The following TAFA4 variants were observed in gnomAD, a reference collection of about 807,000 sequenced individuals.
TAFA4 encodes the protein chemokine-like protein TAFA-4.
TAFA4 carries 20 observed loss-of-function variants against 21.1 expected under a neutral mutation model. That is an observed-to-expected ratio of 0.95 (90% CI 0.67 to 1.38). The LOEUF is 1.38. TAFA4 is among the 40% of genes most tolerant of loss of function. The probability of loss-of-function intolerance (pLI) is 0.00; values close to 1 mark genes in which losing one functional copy is unlikely to be tolerated. For missense variants in TAFA4, 211 were observed against 180.9 expected, an observed-to-expected ratio of 1.17 and a Z score of -0.95; for synonymous variants, 71 against 67.4, an observed-to-expected ratio of 1.05 and a Z score of -0.26.
At position 68,891,310 on chromosome 3, in the gene TAFA4, A is replaced by C. The variant is rs570815710; in HGVS notation, c.-122-6000T>G. Reference sequence around the variant, plus strand: ...TTTGCAAAAGTACACAGCAAAACAGAATCTGCTTAATAACAAACAAATAGC... The same window carrying C: ...TTTGCAAAAGTACACAGCAAAACAGCATCTGCTTAATAACAAACAAATAGC... On this transcript the variant is annotated intron_variant, in intron 1 of 5. Coordinates refer to ENST00000295569, the MANE Select transcript of TAFA4 (RefSeq NM_182522.5). 5.3e-5 allele frequency among the ~76,000 whole-genome samples: 8 copies of C among 152,334 alleles called. No homozygotes were observed. The South Asian group carries it at 1.7e-3, about 32-fold the overall frequency.
At position 68,819,274 on chromosome 3, in the gene TAFA4, T is replaced by TAA. The variant is rs59090610; in HGVS notation, c.130+61454_130+61455dup. ...GACAGAGTGAGACCCTGTCTTTAAT[T>TAA]AAAAAAAAAAAAAAAAAAAAAAAAA... On this transcript the variant is annotated intron_variant, in intron 3 of 5. Transcript: ENST00000295569. Among the ~76,000 whole-genome samples the TAA allele has an allele frequency of 2.9e-4, 32 of 109,328 alleles. 1 individual carries two copies. The highest frequency in any genetic ancestry group is 8.2e-4 in the African/African-American group (25 of 30,322). 71.7% of individuals were successfully genotyped at this position (109,328 alleles called of 152,430 possible).
intron 3 of TAFA4, among the ~76,000 whole-genome samples, chr3:68,866,285 G>A (rs1457839156): frequency 2.0e-5 from 3 of 152,068 alleles, no homozygotes; most frequent in Non-Finnish European, 4.4e-5. Flanking sequence ...TATTCCCATT[G>A]GGACCCACAC....
rs1309025144 is a variant in TAFA4, at chr3:68,732,644, C to A, written c.*498G>T. The A allele has an allele frequency of 6.5e-6, 1 of 153,392 alleles. No individual in the cohort carries two copies. The highest frequency in any genetic ancestry group is 2.4e-5 in the African/African-American group (1 of 41,480). 9.5% of individuals were successfully genotyped at this position (153,392 alleles called of 1,614,324 possible). A position where few individuals can be genotyped will look rare whatever the true frequency, so the allele number is the denominator to read the frequency against. On this transcript the variant is annotated 3_prime_UTR_variant, in exon 6 of 6. Coordinates refer to ENST00000295569, the MANE Select transcript of TAFA4 (RefSeq NM_182522.5). ...TCTTTACCAGTTAATCAGTTGATCTCTAGCAGTAATTTTCTTCACCAGCTA... is the reference window on the plus strand; with the variant it reads ...TCTTTACCAGTTAATCAGTTGATCTATAGCAGTAATTTTCTTCACCAGCTA...
intron 4 of TAFA4, among the ~76,000 whole-genome samples, chr3:68,751,064 C>G (rs554335719): frequency 6.6e-6 from 1 of 152,252 alleles, no homozygotes; most frequent in South Asian, 2.1e-4. Flanking sequence ...AAGAATTAAG[C>G]AGACCAGGTG....
Position 68,823,781 on chromosome 3 carries a change from C to T in TAFA4, c.130+56949G>A, listed in dbSNP as rs185904623. On this transcript the variant is annotated intron_variant, in intron 3 of 5. Coordinates refer to ENST00000295569, the MANE Select transcript of TAFA4 (RefSeq NM_182522.5). ...TTCACGTCCCTACAAAGGACATTAT[C>T]TTATTCCTTTTTATGGCTGCATAGT... Among the ~76,000 whole-genome samples the T allele has an allele frequency of 4.6e-5, 7 of 152,310 alleles. No homozygotes were observed. The East Asian group carries it at 1.3e-3, about 29-fold the overall frequency.
At chr3:68,885,669 ATTCCCAAGACATGCAAT>A (rs2089664925) in intron 1 of TAFA4, among the ~76,000 whole-genome samples, 1 of 152,234 alleles carries the variant, frequency 6.6e-6, no homozygotes, top group South Asian at 2.1e-4. Context: ...GAGATAATGC[ATTCCCAAGACATGCAAT>A]TTGCCCAAGC....
chr3:68,808,024 AG>A (rs1261119754), intron 3 of TAFA4, among the ~76,000 whole-genome samples: 7 of 152,110 alleles, frequency 4.6e-5, no homozygotes, highest in Non-Finnish European at 8.8e-5. Flanking sequence ...ATATGTATAT[AG>A]ATTATATTAT....
At chr3:68,877,401 C>T (rs891148167) in intron 3 of TAFA4, among the ~76,000 whole-genome samples, 4 of 152,136 alleles carry the variant, frequency 2.6e-5, no homozygotes, top group African/African-American at 9.7e-5. Flanking sequence ...AATCTTTTGT[C>T]TCTGACCCAA....
At chr3:68,790,627 G>A (rs1487496474) in intron 3 of TAFA4, among the ~76,000 whole-genome samples, 3 of 152,194 alleles carry the variant, frequency 2.0e-5, no homozygotes, top group Non-Finnish European at 4.4e-5. Flanking sequence ...ATGGATATGA[G>A]AATCCCCTAA....
intron 4 of TAFA4, among the ~76,000 whole-genome samples, chr3:68,746,194 T>C (rs1702455366): frequency 6.6e-6 from 1 of 152,250 alleles, no homozygotes; most frequent in East Asian, 1.9e-4. Context: ...GGCTGCACTG[T>C]TGGCTTCCCT....
rs190726086 is a variant in TAFA4, at chr3:68,816,048, A to G, written c.131-63030T>C. 1.2e-4 allele frequency among the ~76,000 whole-genome samples: 19 copies of G among 152,320 alleles called. No individual in the cohort carries two copies. In the East Asian group the frequency reaches 3.7e-3, roughly 29 times the overall value. On this transcript the variant is annotated intron_variant, in intron 3 of 5. Transcript: ENST00000295569. ...TATGTAGCTGGAAACCATCATTCTC[A>G]GCAAACTATCACAAGGACAAAAAAC...
chr3:68,804,086 T>C (rs1344159287), intron 3 of TAFA4, among the ~76,000 whole-genome samples: 1 of 151,912 alleles, frequency 6.6e-6, no homozygotes, highest in Admixed American at 6.6e-5. Flanking sequence ...TCATGCCCAG[T>C]CTATTTTTCA....
chr3:68,738,750 G>T (rs559544397), intron 5 of TAFA4, among the ~76,000 whole-genome samples: 2 of 152,238 alleles, frequency 1.3e-5, no homozygotes, highest in South Asian at 2.1e-4. Flanking sequence ...ATCTGGATGT[G>T]GATTCTTGTC....
intron 5 of TAFA4, among the ~76,000 whole-genome samples, chr3:68,733,830 G>C (rs1275847301): frequency 6.6e-6 from 1 of 152,082 alleles, no homozygotes; most frequent in Admixed American, 6.5e-5. Context: ...CCATACCCAG[G>C]CTTTAGACCC....
At chr3:68,876,565 C>CA (rs2089551938) in intron 3 of TAFA4, among the ~76,000 whole-genome samples, 1 of 152,100 alleles carries the variant, frequency 6.6e-6, no homozygotes, top group South Asian at 2.1e-4. Context: ...GCTATTTAGT[C>CA]AAGAGTATTT....
At chr3:68,928,893 C>T (rs1437240771) in intron 1 of TAFA4, among the ~76,000 whole-genome samples, 1 of 151,932 alleles carries the variant, frequency 6.6e-6, no homozygotes, top group Non-Finnish European at 1.5e-5. Flanking sequence ...ACCTCCTACC[C>T]CTGATCTTCT....
chr3:68,845,071 C>T (rs1461559823), intron 3 of TAFA4, among the ~76,000 whole-genome samples: 17 of 152,110 alleles, frequency 1.1e-4, no homozygotes, highest in African/African-American at 3.6e-4. Flanking sequence ...TCTGAATATC[C>T]TTGTTAATGT....
intron 3 of TAFA4, among the ~76,000 whole-genome samples, chr3:68,821,678 T>C (rs1704116122): frequency 6.6e-6 from 1 of 152,064 alleles, no homozygotes; most frequent in African/African-American, 2.4e-5. Context: ...TATGAGTTCT[T>C]CAAGGCACTA....
chr3:68,919,062 T>A (rs1171571916), intron 1 of TAFA4, among the ~76,000 whole-genome samples: 1 of 152,108 alleles, frequency 6.6e-6, no homozygotes, highest in Non-Finnish European at 1.5e-5. Flanking sequence ...TCTGTCACCT[T>A]CCCTGCAGCT....
Sources: gnomAD v4.1 joint callset for allele counts (sites outside exome capture counted in the v4.1 genomes callset) on GRCh38, gnomAD v4.1.1 for gene constraint, MANE v1.5 for transcripts, NCBI Gene and HGNC (gene_info 2026-07-23, HGNC 2026-07-21) for gene names.